ACO2: variants seen among roughly 807,000 people sequenced by gnomAD.
ACO2 encodes the protein aconitate hydratase, mitochondrial.
In ACO2, 31 loss-of-function variants were observed where a neutral mutation model predicts 84.5. The ratio of observed to expected loss-of-function variants is 0.37; its 90% CI spans 0.28 to 0.50. The LOEUF (loss-of-function observed/expected upper bound fraction) is 0.50. Among genes scored for constraint, ACO2 ranks in the 20% least tolerant of loss-of-function variants. The pLI, the probability that ACO2 is intolerant of heterozygous loss-of-function variation, is 0.97. For synonymous variants in ACO2, 414 were observed against 412.7 expected (o/e 1.00, Z -0.04); for missense variants, 685 against 1,029.3 (o/e 0.67, Z 4.58).
chr22:41,504,270 GA>G (rs562947954), intron 2 of ACO2, among the ~76,000 whole-genome samples: 110 of 152,304 alleles, frequency 7.2e-4, no homozygotes, highest in Middle Eastern at 3.4e-3. Flanking sequence ...GAATTTTTTA[GA>G]AGGCCAGGGG....
chr22:41,524,915 G>A lies in ACO2; in HGVS notation c.1552G>A (p.Asp518Asn). The A allele has an allele frequency of 6.2e-7, 1 of 1,614,196 alleles. No homozygotes were observed. The highest frequency in any genetic ancestry group is 8.5e-7 in the Non-Finnish European group (1 of 1,180,036). ...NPETDYLTGT[D>N]GKKFRLEAPD... ...AGAGACCGACTACCTGACGGGCACG[G>A]ATGGCAAGAAGTTCAGGCTGGAGGC... The change falls in exon 13 of 18, where the codon GAT becomes AAT. Residue 518 changes from aspartate (D) to asparagine (N), a missense_variant. This residue lies in a region of ACO2 where 311 missense variants were observed against 441.6 expected (regional missense o/e 0.70). Coordinates refer to ENST00000216254, the MANE Select transcript of ACO2 (RefSeq NM_001098.3).
intron 1 of ACO2, among the ~76,000 whole-genome samples, chr22:41,483,518 G>A (rs777861884): frequency 1.3e-5 from 2 of 152,022 alleles, no homozygotes; most frequent in Non-Finnish European, 2.9e-5. Flanking sequence ...TTAGCTGGGC[G>A]TGGTGGTGCA....
Position 41,507,853 on chromosome 22 carries a change from G to A in ACO2, c.236G>A (p.Ser79Asn). 1 of 1,614,224 alleles carries A rather than the reference G, an allele frequency of 6.2e-7. No individual in the cohort carries two copies. The highest frequency in any genetic ancestry group is 1.3e-5 in the African/African-American group (1 of 75,064). The change falls in exon 3 of 18, where the codon AGC becomes AAC. Residue 79 changes from serine (S) to asparagine (N), a missense_variant. Ser to Asn is a conservative substitution (Grantham distance 46). Around this residue, in one of 5 missense-constraint regions of ACO2, gnomAD observed 98 missense variants for 107.6 expected, o/e 0.91. Transcript: ENST00000216254. Reference protein sequence around the residue: ...IVYGHLDDPASQEIERGKSYL... With the variant: ...IVYGHLDDPANQEIERGKSYL... Reference sequence around the variant, plus strand: ...TATGGACACCTGGATGACCCCGCCAGCCAGGAAATTGAGCGAGGCAAGTCG... The same window carrying A: ...TATGGACACCTGGATGACCCCGCCAACCAGGAAATTGAGCGAGGCAAGTCG...
chr22:41,500,790 G>C (rs982160047), intron 2 of ACO2, among the ~76,000 whole-genome samples: 1 of 151,794 alleles, frequency 6.6e-6, no homozygotes, highest in Non-Finnish European at 1.5e-5. Flanking sequence ...TGCAACCTCC[G>C]CCCCCCAGGT....
intron 9 of ACO2, among the ~76,000 whole-genome samples, chr22:41,521,115 G>C (rs1223586372): frequency 6.7e-6 from 1 of 149,914 alleles, no homozygotes; most frequent in Admixed American, 6.6e-5. Context: ...GTTTATTGTA[G>C]AGAATATTCA....
intron 17 of ACO2, 62 bp from the exon 18 acceptor site, chr22:41,528,417 C>A: frequency 6.3e-7 from 1 of 1,585,362 alleles, no homozygotes; most frequent in South Asian, 1.1e-5. Flanking sequence ...CCCTGACCCC[C>A]CTGCGGGGCC....
intron 2 of ACO2, among the ~76,000 whole-genome samples, chr22:41,505,945 A>T (rs1476266038): frequency 6.6e-6 from 1 of 152,186 alleles, no homozygotes; most frequent in Non-Finnish European, 1.5e-5. Context: ...ATGAAAGGCT[A>T]TAGAAGTGGA....
rs772744954 is a variant in ACO2 at position 41,515,354 on chromosome 22, T to C, written c.526-23T>C. ...ATTCTCGGCTGAGGGCTTCTAAATA[T>C]AACATCTTGGATTATTTTTCAGATT... On this transcript the variant is annotated intron_variant, in intron 4 of 17. Coordinates refer to ENST00000216254, the MANE Select transcript of ACO2 (RefSeq NM_001098.3). This position sits in a 1 kb window ranked among gnomAD's most constrained non-coding sequence, Gnocchi z 5.8. 2 of 1,611,990 alleles carry C rather than the reference T, an allele frequency of 1.2e-6. No homozygotes were observed. Among genetic ancestry groups the C allele is most frequent in the East Asian group, 2.2e-5 (1 of 44,868 alleles).
At chr22:41,478,157 T>C (rs1247207101) in intron 1 of ACO2, among the ~76,000 whole-genome samples, 1 of 152,140 alleles carries the variant, frequency 6.6e-6, no homozygotes, top group Non-Finnish European at 1.5e-5. Context: ...GGAAACCTTT[T>C]TTTCAAGATA....
intron 1 of ACO2, 66 bp downstream of exon 1, chr22:41,469,248 G>A: frequency 6.5e-7 from 1 of 1,541,628 alleles, no homozygotes; most frequent in South Asian, 1.2e-5. Flanking sequence ...CGGCGGCTGT[G>A]GGCGAGGCAG....
Position 41,523,203 on chromosome 22 carries a change from AG to A in ACO2, c.1297del. On this transcript the variant is annotated splice_acceptor_variant, in intron 10 of 17. Coordinates refer to ENST00000216254, the MANE Select transcript of ACO2 (RefSeq NM_001098.3). LOFTEE classifies it high-confidence loss of function. ...CATTCTGTCTTCCTCTCTCCCTGGC[AG>A]GCACAGATCTTGAGGGATCTGGGTG... The A allele has an allele frequency of 6.2e-7, 1 of 1,611,222 alleles. No homozygotes were observed. The highest frequency in any genetic ancestry group is 2.2e-5 in the East Asian group (1 of 44,826).
rs2071750023 is a variant in ACO2 at position 41,472,191 on chromosome 22, A to G, written c.36+3009A>G. ...AATATGGTGAAACCCCATCTCTACTAAAAACACAAAAATTAGCTGGGTGTG... is the reference window on the plus strand; with the variant it reads ...AATATGGTGAAACCCCATCTCTACTGAAAACACAAAAATTAGCTGGGTGTG... On this transcript the variant is annotated intron_variant, in intron 1 of 17. Coordinates refer to ENST00000216254, the MANE Select transcript of ACO2 (RefSeq NM_001098.3). Among the ~76,000 whole-genome samples the G allele has an allele frequency of 2.0e-5, 3 of 152,008 alleles. No individual in the cohort carries two copies. The South Asian group carries it at 6.2e-4, about 32-fold the overall frequency.
intron 1 of ACO2, among the ~76,000 whole-genome samples, chr22:41,489,885 A>G (rs1490373996): frequency 3.3e-5 from 5 of 152,042 alleles, no homozygotes; most frequent in African/African-American, 1.2e-4. Context: ...CATTTCAAAA[A>G]ACCAAAACGC....
At chr22:41,518,618 G>A (rs766840784) in intron 8 of ACO2, 46 bp downstream of exon 8, 3 of 1,457,400 alleles carry the variant, frequency 2.1e-6, no homozygotes, top group African/African-American at 2.8e-5. Context: ...GAGAGTAGTG[G>A]GGAGCAGGGC....
chr22:41,505,197 G>C (rs1291265928), intron 2 of ACO2, among the ~76,000 whole-genome samples: 1 of 151,900 alleles, frequency 6.6e-6, no homozygotes, highest in African/African-American at 2.4e-5. Flanking sequence ...TGTGAGCCTA[G>C]GAGTTCAAGA....
At position 41,470,528 on chromosome 22, in the gene ACO2, C is replaced by CTTTTTT. The variant is rs71184811; in HGVS notation, c.36+1375_36+1380dup. Among the ~76,000 whole-genome samples, 76 of 95,846 alleles carry CTTTTTT rather than the reference C, an allele frequency of 7.9e-4. 3 individuals are homozygous for CTTTTTT. The highest frequency in any genetic ancestry group is 1.2e-3 in the Non-Finnish European group (59 of 47,794). The allele number at this position is 95,846 out of a possible 152,430, so 62.9% of individuals were successfully genotyped here. On this transcript the variant is annotated intron_variant, in intron 1 of 17. Coordinates refer to ENST00000216254, the MANE Select transcript of ACO2 (RefSeq NM_001098.3). ...TTTGCACCTAATTATCTCTTTACAT[C>CTTTTTT]TTTTTTTTTTTTTTTTTTTTTTTTT...
At chr22:41,498,831 T>G (rs189764858) in intron 1 of ACO2, among the ~76,000 whole-genome samples, 1 of 152,260 alleles carries the variant, frequency 6.6e-6, no homozygotes, top group African/African-American at 2.4e-5. Context: ...CGGTGGCTCA[T>G]GCCTGTAATC....
chr22:41,503,807 C>T (rs984374851), intron 2 of ACO2, among the ~76,000 whole-genome samples: 41 of 152,152 alleles, frequency 2.7e-4, no homozygotes, highest in African/African-American at 8.7e-4. Flanking sequence ...CATCCTACAG[C>T]GCACAGGGCA....
intron 1 of ACO2, among the ~76,000 whole-genome samples, chr22:41,480,430 T>A (rs1195746102): frequency 6.6e-6 from 1 of 152,134 alleles, no homozygotes; most frequent in Non-Finnish European, 1.5e-5. Flanking sequence ...CCATTTCAAT[T>A]CCAAGATGTG....
Sources: allele counts gnomAD v4.1 joint callset (sites outside exome capture counted in the v4.1 genomes callset), GRCh38; gene constraint gnomAD v4.1.1; regional missense constraint gnomAD v4.1.1; non-coding constraint Gnocchi (gnomAD v3.1); transcripts MANE v1.5; gene names NCBI Gene and HGNC (gene_info 2026-07-23, HGNC 2026-07-21).